Variants in PCTP observed in about 807,000 individuals in gnomAD.
PCTP encodes the protein phosphatidylcholine transfer protein.
In PCTP, 27 loss-of-function variants were observed where a neutral mutation model predicts 31.0. That is an observed-to-expected ratio of 0.87 (90% CI 0.64 to 1.20). PCTP has a LOEUF of 1.20. PCTP is among the 50% of genes most tolerant of loss of function. The pLI is 0.00. For missense variants in PCTP, 287 were observed against 268.2 expected (o/e 1.07, Z -0.49); for synonymous variants, 108 against 101.2 (o/e 1.07, Z -0.40).
chr17:55,825,769 C>T (rs548013847), downstream of PCTP, among the ~76,000 whole-genome samples: 15 of 152,326 alleles, frequency 9.8e-5, no homozygotes, highest in African/African-American at 2.6e-4. Flanking sequence ...TATATGCCAC[C>T]TCTCCATTGC....
intron 3 of PCTP, among the ~76,000 whole-genome samples, chr17:55,813,335 G>A (rs1202942849): frequency 6.6e-6 from 1 of 152,076 alleles, no homozygotes; most frequent in Non-Finnish European, 1.5e-5. Flanking sequence ...GCGGTGGTGC[G>A]ATCTCGGCTC....
chr17:55,790,878 G>A (rs1421972662), intron 3 of PCTP, among the ~76,000 whole-genome samples: 2 of 150,366 alleles, frequency 1.3e-5, no homozygotes, highest in East Asian at 1.9e-4. Context: ...CAAAGCTGGA[G>A]GCATCACGCT....
At chr17:55,826,053 A>C (rs146989542), downstream of PCTP, among the ~76,000 whole-genome samples, 23 of 152,308 alleles carry the variant, frequency 1.5e-4, no homozygotes, top group East Asian at 4.2e-3. Flanking sequence ...AAAATTAGGT[A>C]ATTGGCCAGA....
At chr17:55,775,826 C>T in intron 5 of PCTP, 2 of 1,293,592 alleles carry the variant, frequency 1.5e-6, no homozygotes, top group South Asian at 2.7e-5. Context: ...GGCCTTTTTG[C>T]AACAGAAGTT....
intron 5 of PCTP, among the ~76,000 whole-genome samples, chr17:55,840,999 T>A (rs1301939172): frequency 1.3e-5 from 2 of 152,228 alleles, no homozygotes; most frequent in East Asian, 3.9e-4. Flanking sequence ...TAACGCTATC[T>A]GCAGTTTCAG....
At chr17:55,834,685 A>G (rs1039283413) in intron 5 of PCTP, among the ~76,000 whole-genome samples, 1 of 152,178 alleles carries the variant, frequency 6.6e-6, no homozygotes, top group Non-Finnish European at 1.5e-5. Context: ...AGGACTGGAA[A>G]GTTAACCTGA....
chr17:55,806,631 C>T (rs967460359), intron 3 of PCTP, among the ~76,000 whole-genome samples: 5 of 152,066 alleles, frequency 3.3e-5, no homozygotes, highest in African/African-American at 7.2e-5. Flanking sequence ...TTCAAGTGAA[C>T]ATCTGTACAA....
At chr17:55,814,288 A>G (rs1912844184) in intron 3 of PCTP, among the ~76,000 whole-genome samples, 1 of 152,194 alleles carries the variant, frequency 6.6e-6, no homozygotes, top group African/African-American at 2.4e-5. Context: ...AAAATAGATG[A>G]GGATTAGATA....
downstream of PCTP, among the ~76,000 whole-genome samples, chr17:55,826,768 G>A (rs557935078): frequency 9.2e-5 from 14 of 152,242 alleles, no homozygotes; most frequent in East Asian, 1.7e-3. Context: ...GACATCCTAC[G>A]TGATCCTTCA....
intron 1 of PCTP, 48 bp from the exon 2 acceptor site, chr17:55,767,287 T>A: frequency 8.3e-7 from 1 of 1,205,650 alleles, no homozygotes; most frequent in East Asian, 2.4e-5. Context: ...TGCAGCTTTC[T>A]CTCAACTTGG....
chr17:55,766,436 A>G (rs1910660572), intron 1 of PCTP, among the ~76,000 whole-genome samples: 1 of 104,512 alleles, frequency 9.6e-6, no homozygotes, highest in Admixed American at 1.4e-4. Context: ...AACAGTCCCC[A>G]GAGTGTAATG....
intron 3 of PCTP, among the ~76,000 whole-genome samples, chr17:55,822,399 G>A (rs573830903): frequency 1.3e-5 from 2 of 152,092 alleles, no homozygotes; most frequent in Non-Finnish European, 2.9e-5. Context: ...TCTCTTCTTG[G>A]ACAAAAGATG....
chr17:55,837,518 C>T (rs1482782629), intron 5 of PCTP, among the ~76,000 whole-genome samples: 4 of 152,066 alleles, frequency 2.6e-5, no homozygotes, highest in African/African-American at 9.7e-5. Flanking sequence ...TTTTCAATGC[C>T]CTTTCGCCCC....
At chr17:55,827,547 A>G (rs968845090), downstream of PCTP, among the ~76,000 whole-genome samples, 1 of 152,234 alleles carries the variant, frequency 6.6e-6, no homozygotes, top group African/African-American at 2.4e-5. Context: ...TGAAACACCT[A>G]TATTTTAAAA....
downstream of PCTP, among the ~76,000 whole-genome samples, chr17:55,781,130 T>C (rs1299474412): frequency 6.6e-6 from 1 of 152,260 alleles, no homozygotes; most frequent in Non-Finnish European, 1.5e-5. Flanking sequence ...TCTATAGACT[T>C]TGGATCTCCT....
At position 55,814,722 on chromosome 17, in the gene PCTP, C is replaced by G. The variant is rs536202304; in HGVS notation, c.318-8039C>G. 1.5e-4 allele frequency among the ~76,000 whole-genome samples: 23 copies of G among 152,298 alleles called. No homozygotes were observed. In the South Asian group the frequency reaches 2.1e-3, roughly 14 times the overall value. ...TGAACACTGGAGAAAGGAATGCTCT[C>G]TCTGCATGTCCCAGGGAAATGGGGC... On this transcript the variant is annotated intron_variant, in intron 3 of 3. Transcript: ENST00000572536.
Position 55,776,095 on chromosome 17 carries a change from AC to A in PCTP, c.642del (p.Ter215LysfsTer62), listed in dbSNP as rs1210680794. 1 of 1,613,990 alleles carries A rather than the reference AC, an allele frequency of 6.2e-7. No individual in the cohort carries two copies. Reference protein sequence around the residue: ...ARACQNYLKKT With the variant: ...ARACQNYLKKX ...AGCCTGTCAGAACTACCTCAAGAAA[AC>A]CTAAGAAAGAGAACTGGGAACATTG... On this transcript the variant is annotated frameshift_variant, in exon 6 of 6. Coordinates refer to ENST00000268896, the MANE Select transcript of PCTP (RefSeq NM_021213.4). LOFTEE classifies it high-confidence loss of function.
At chr17:55,845,907 T>TGTG (rs1308179326), downstream of PCTP, among the ~76,000 whole-genome samples, 3 of 151,580 alleles carry the variant, frequency 2.0e-5, no homozygotes, top group Non-Finnish European at 4.4e-5. Flanking sequence ...TGTGTGTGTG[T>TGTG]GTGTGTGTGT....
At chr17:55,772,314 C>T (rs1416932217) in intron 3 of PCTP, among the ~76,000 whole-genome samples, 2 of 151,778 alleles carry the variant, frequency 1.3e-5, no homozygotes, top group Non-Finnish European at 2.9e-5. Flanking sequence ...GGACTGAACG[C>T]GGGTGGCTCA....
Sources: gnomAD v4.1 joint callset for allele counts (sites outside exome capture counted in the v4.1 genomes callset) on GRCh38, gnomAD v4.1.1 for gene constraint, MANE v1.5 for transcripts, NCBI Gene and HGNC (gene_info 2026-07-23, HGNC 2026-07-21) for gene names.